UPF3B: variants seen among roughly 807,000 people sequenced by gnomAD.
The protein encoded by UPF3B is regulator of nonsense transcripts 3B.
A neutral mutation model predicts 40.3 loss-of-function variants in UPF3B; 7 were observed. The observed-to-expected ratio is 0.17, with a 90% confidence interval of 0.10 to 0.33. The LOEUF is 0.33. Among genes scored for constraint, UPF3B ranks in the 10% least tolerant of loss-of-function variants. The probability of loss-of-function intolerance (pLI) is 1.00; values close to 1 mark genes in which losing one functional copy is unlikely to be tolerated. For synonymous variants in UPF3B, 117 were observed against 117.3 expected (o/e 1.00, Z 0.01); for missense variants, 229 against 358.9 (o/e 0.64, Z 2.93).
At chrX:119,837,640 C>T in intron 10 of UPF3B, 117 bp downstream of exon 10, 1 of 685,604 alleles carries the variant, frequency 1.5e-6, no homozygotes. Flanking sequence ...AAAAAAGTTG[C>T]AGATGATTAA....
chrX:119,840,999 A>G lies in UPF3B; in HGVS notation c.807+77T>C. The G allele has an allele frequency of 2.8e-6, 3 of 1,080,523 alleles. No individual in the cohort carries two copies. In the South Asian group the frequency reaches 5.8e-5, roughly 21 times the overall value. The allele number at this position is 1,080,523 out of a possible 1,213,427, so 89.0% of individuals were successfully genotyped here. The stretch of plus-strand genomic sequence containing the variant: ...AAACAAAAAATTCATTTACACCAAC[A>G]CAAGACGCATGCATATTTAAAGAAG... On this transcript the variant is annotated intron_variant, in intron 7 of 10. Coordinates refer to ENST00000276201, the MANE Select transcript of UPF3B (RefSeq NM_080632.3).
intron 3 of UPF3B, among the ~76,000 whole-genome samples, chrX:119,828,754 CTT>C (rs1324080033): frequency 9.1e-6 from 1 of 109,898 alleles, no homozygotes; most frequent in Non-Finnish European, 1.9e-5. Context: ...GAGTTTTGCT[CTT>C]GTCACCTGGG....
rs189226841 is a variant in UPF3B, at chrX:119,850,992, G to A, written c.370+503C>T. On this transcript the variant is annotated intron_variant, in intron 3 of 10. Coordinates refer to ENST00000276201, the MANE Select transcript of UPF3B (RefSeq NM_080632.3). ...CCTGACCTCGTGATCCACCTGCCTC[G>A]GCATCCCAAAGTGCTGGGATAACAG... is the stretch of plus-strand genomic sequence containing the variant. 3.1e-3 allele frequency among the ~76,000 whole-genome samples: 345 copies of A among 111,769 alleles called. 3 individuals carry two copies. The highest frequency in any genetic ancestry group is 0.01 in the African/African-American group (317 of 30,793).
chrX:119,809,440 G>A (rs1171669899), intron 5 of UPF3B, among the ~76,000 whole-genome samples: 1 of 112,185 alleles, frequency 8.9e-6, no homozygotes, highest in Non-Finnish European at 1.9e-5. Context: ...CTTTTTGAGG[G>A]CTGGGCATGG....
rs745371591 is a variant in UPF3B, at chrX:119,822,502, A to G, written c.494+440T>C. ...CATTTTCTGACACTTTAATTTATAG[A>G]AATTGCAAAAACAATAAAATTGTAC... is the stretch of plus-strand genomic sequence containing the variant. On this transcript the variant is annotated intron_variant, in intron 4 of 6. Transcript: ENST00000636792. 8.1e-4 allele frequency among the ~76,000 whole-genome samples: 91 copies of G among 113,008 alleles called. 1 individual carries two copies. The highest frequency in any genetic ancestry group is 2.6e-3 in the African/African-American group (81 of 31,197).
At chrX:119,829,916 C>G (rs1172905748), downstream of UPF3B, among the ~76,000 whole-genome samples, 1 of 111,762 alleles carries the variant, frequency 8.9e-6, no homozygotes, top group Non-Finnish European at 1.9e-5. Flanking sequence ...ACTGCCAAAT[C>G]CAATGAACAC....
Position 119,837,983 on chromosome X carries a change from A to T in UPF3B, c.1076T>A (p.Ile359Lys). 8.3e-7 allele frequency: 1 copy of T among 1,210,662 alleles called. No homozygotes were observed. Among genetic ancestry groups the T allele is most frequent in the African/African-American group, 1.7e-5 (1 of 57,564 alleles). Residue 359 changes from isoleucine (I) to lysine (K), a missense_variant, in exon 10 of 11, where the codon ATA becomes AAA. Around this residue, in one of 3 missense-constraint regions of UPF3B, gnomAD observed 119 missense variants for 153.8 expected, o/e 0.77. Coordinates refer to ENST00000276201, the MANE Select transcript of UPF3B (RefSeq NM_080632.3). ...CTTCAGCCTCTCTCTTTCTCGAAGT[A>T]TGCGCTCCTGATCTCGTTCATATTC... ...EREYERDQER[I>K]LRERERLKRQ...
At chrX:119,822,893 C>T in intron 4 of UPF3B, 1 of 770,999 alleles carries the variant, frequency 1.3e-6, no homozygotes, top group Non-Finnish European at 1.6e-6. Flanking sequence ...CAGGCATGAG[C>T]CACCACGCCC....
chrX:119,806,977 C>T (rs954364432), intron 6 of UPF3B, among the ~76,000 whole-genome samples: 1 of 92,407 alleles, frequency 1.1e-5, no homozygotes, highest in Non-Finnish European at 2.0e-5. Flanking sequence ...TGCAGTGAAC[C>T]GACATTGAGC....
chrX:119,821,917 A>G (rs979739887), intron 4 of UPF3B, among the ~76,000 whole-genome samples: 2 of 112,510 alleles, frequency 1.8e-5, no homozygotes, highest in African/African-American at 3.2e-5. Context: ...AACAAACTGA[A>G]ACTAAAAGTT....
downstream of UPF3B, chrX:119,833,939 T>G: frequency 1.6e-6 from 1 of 633,087 alleles, no homozygotes; most frequent in Non-Finnish European, 1.9e-6. Context: ...TAGGCTTCAC[T>G]AGAAGGTGAG....
intron 4 of UPF3B, among the ~76,000 whole-genome samples, chrX:119,816,446 C>T (rs1295226655): frequency 9.0e-6 from 1 of 111,550 alleles, no homozygotes; most frequent in African/African-American, 3.3e-5. Context: ...TATTTGAATC[C>T]CTGACCCCAG....
intron 10 of UPF3B, among the ~76,000 whole-genome samples, chrX:119,835,679 G>A (rs1384158928): frequency 4.4e-5 from 5 of 112,423 alleles, no homozygotes; most frequent in Non-Finnish European, 7.5e-5. Context: ...CAAGAGAAGG[G>A]GAAATTGTTT....
chrX:119,838,192 A>G, intron 9 of UPF3B, 141 bp from the exon 10 acceptor site: 1 of 946,118 alleles, frequency 1.1e-6, no homozygotes, highest in Non-Finnish European at 1.5e-6. Context: ...TTAAGAAGGA[A>G]CAAAACCCCA....
chrX:119,815,187 TA>T, intron 5 of UPF3B: 1 of 765,530 alleles, frequency 1.3e-6, no homozygotes, highest in Non-Finnish European at 1.6e-6. Context: ...TTTGTATGGC[TA>T]ATACAACTTT....
chrX:119,805,928 T>C (rs1443396119), intron 6 of UPF3B, among the ~76,000 whole-genome samples: 1 of 71,912 alleles, frequency 1.4e-5, no homozygotes, highest in East Asian at 4.3e-4. Context: ...AGTGTGGCGA[T>C]TCCTCAGGGA....
intron 3 of UPF3B, among the ~76,000 whole-genome samples, chrX:119,848,281 C>CAAAAAAA (rs144679153): frequency 1.7e-4 from 4 of 23,931 alleles, no homozygotes; most frequent in African/African-American, 4.0e-4. Context: ...GACTCCATCT[C>CAAAAAAA]AAAAAAAAAA....
chrX:119,837,349 C>G (rs1202974335), intron 10 of UPF3B, among the ~76,000 whole-genome samples: 1 of 108,953 alleles, frequency 9.2e-6, no homozygotes, highest in Non-Finnish European at 1.9e-5. Context: ...GGCGTGGTGG[C>G]TCACGCCTGT....
intron 5 of UPF3B, among the ~76,000 whole-genome samples, chrX:119,808,972 A>G (rs1170218059): frequency 8.9e-6 from 1 of 112,467 alleles, no homozygotes. Context: ...TAACCTATGT[A>G]TCTCAATTTC....
Sources: allele counts gnomAD v4.1 joint callset (sites outside exome capture counted in the v4.1 genomes callset), GRCh38; gene constraint gnomAD v4.1.1; regional missense constraint gnomAD v4.1.1; transcripts MANE v1.5; gene names NCBI Gene and HGNC (gene_info 2026-07-23, HGNC 2026-07-21).